Variants in PTPRM observed in about 807,000 individuals in gnomAD.
The protein encoded by PTPRM is receptor-type tyrosine-protein phosphatase mu.
In PTPRM, 47 loss-of-function variants were observed where a neutral mutation model predicts 186.7. The ratio of observed to expected loss-of-function variants is 0.25; its 90% CI spans 0.20 to 0.32. The LOEUF is 0.32. PTPRM is among the 10% of genes least tolerant of loss of function. The probability of loss-of-function intolerance (pLI) is 1.00; values close to 1 mark genes in which losing one functional copy is unlikely to be tolerated. For synonymous variants in PTPRM, 668 were observed against 674.9 expected (o/e 0.99, Z 0.16); for missense variants, 1,494 against 1,865.0 (o/e 0.80, Z 3.66).
intron 20 of PTPRM, among the ~76,000 whole-genome samples, chr18:8,310,630 T>C (rs1221867831): frequency 2.6e-5 from 4 of 151,936 alleles, no homozygotes; most frequent in South Asian, 2.1e-4. Flanking sequence ...CTCTTCAGAG[T>C]AGGTCAGGAC....
chr18:7,572,681 G>C (rs953483693), intron 1 of PTPRM, among the ~76,000 whole-genome samples: 1 of 152,110 alleles, frequency 6.6e-6, no homozygotes, highest in South Asian at 2.1e-4. Context: ...TAGGGGTTAT[G>C]TCCACCATGC....
chr18:8,265,630 T>G (rs556351795), intron 19 of PTPRM, among the ~76,000 whole-genome samples: 68 of 152,342 alleles, frequency 4.5e-4, no homozygotes, highest in African/African-American at 1.5e-3. Context: ...ATGCTTTGAT[T>G]AAATGATACA....
intron 14 of PTPRM, among the ~76,000 whole-genome samples, chr18:8,209,038 G>T (rs2093966960): frequency 6.6e-6 from 1 of 152,320 alleles, no homozygotes. Flanking sequence ...AGTGAAGTCA[G>T]ATAGGGCATA....
chr18:7,935,903 A>C (rs974115798), intron 5 of PTPRM, among the ~76,000 whole-genome samples: 1 of 152,232 alleles, frequency 6.6e-6, no homozygotes, highest in Non-Finnish European at 1.5e-5. Flanking sequence ...GGAGGGCAGA[A>C]GAGAAGGAAG....
intron 5 of PTPRM, among the ~76,000 whole-genome samples, chr18:7,932,544 C>T (rs2051552502): frequency 6.6e-6 from 1 of 151,998 alleles, no homozygotes; most frequent in Non-Finnish European, 1.5e-5. Context: ...CATGTTTATA[C>T]TTACGTATAA....
chr18:8,003,905 C>T (rs1452439481), intron 7 of PTPRM, among the ~76,000 whole-genome samples: 3 of 152,164 alleles, frequency 2.0e-5, no homozygotes. Flanking sequence ...ATTCGCTTTC[C>T]TTTTCTTGGC....
intron 19 of PTPRM, among the ~76,000 whole-genome samples, chr18:8,280,408 G>C (rs896454385): frequency 3.8e-5 from 2 of 52,418 alleles, no homozygotes; most frequent in African/African-American, 9.3e-5. Flanking sequence ...TGTGGTCGGG[G>C]GTGGGGGGGG....
intron 15 of PTPRM, among the ~76,000 whole-genome samples, chr18:8,246,052 A>G (rs563736147): frequency 3.7e-4 from 56 of 152,204 alleles, no homozygotes; most frequent in African/African-American, 1.2e-3. Flanking sequence ...TAGACTTTCC[A>G]TTTTCCTCCC....
At chr18:8,404,832 G>A (rs1363147269) in intron 32 of PTPRM, 2 of 152,278 alleles carry the variant, frequency 1.3e-5, no homozygotes, top group Non-Finnish European at 2.9e-5. Context: ...CTCAAGCCCT[G>A]CGTCCCTCTT....
chr18:8,029,783 C>A lies in PTPRM; in HGVS notation c.1133-39903C>A, dbSNP rs970861136. Among the ~76,000 whole-genome samples, 6 of 152,206 alleles carry A rather than the reference C, an allele frequency of 3.9e-5. No individual in the cohort carries two copies. The East Asian group carries it at 7.7e-4, about 20-fold the overall frequency. ...GTATAGTGCCTGGCACACAGTGAGC[C>A]TGCAGGAAATACTGGCTAAATTGAG... On this transcript the variant is annotated intron_variant, in intron 7 of 32. Coordinates refer to ENST00000580170, the MANE Select transcript of PTPRM (RefSeq NM_001105244.2).
intron 14 of PTPRM, among the ~76,000 whole-genome samples, chr18:8,166,866 T>C (rs2093331094): frequency 6.6e-6 from 1 of 152,234 alleles, no homozygotes; most frequent in African/African-American, 2.4e-5. Flanking sequence ...GCCATTATGA[T>C]ACTTTGGTTG....
At chr18:8,351,469 A>C (rs1397277041) in intron 23 of PTPRM, among the ~76,000 whole-genome samples, 1 of 152,194 alleles carries the variant, frequency 6.6e-6, no homozygotes, top group Non-Finnish European at 1.5e-5. Context: ...CCACTTCTGC[A>C]AACTCACCTT....
At chr18:7,766,750 T>G (rs544869469) in intron 1 of PTPRM, among the ~76,000 whole-genome samples, 76 of 152,328 alleles carry the variant, frequency 5.0e-4, no homozygotes, top group African/African-American at 1.8e-3. Flanking sequence ...CTGATAAAGC[T>G]TATACCTTCT....
At chr18:8,398,545 C>G (rs1362765818) in intron 32 of PTPRM, among the ~76,000 whole-genome samples, 2 of 152,094 alleles carry the variant, frequency 1.3e-5, no homozygotes, top group Non-Finnish European at 2.9e-5. Context: ...GTGGGCAGAT[C>G]ACCTGAGGTC....
intron 32 of PTPRM, among the ~76,000 whole-genome samples, chr18:8,402,397 G>A (rs1255382430): frequency 6.6e-6 from 1 of 152,222 alleles, no homozygotes; most frequent in Admixed American, 6.5e-5. Context: ...CTTCCAAGCA[G>A]CAGCTCCTTA....
chr18:8,162,161 G>A (rs954039547), intron 14 of PTPRM, among the ~76,000 whole-genome samples: 7 of 150,020 alleles, frequency 4.7e-5, no homozygotes, highest in African/African-American at 9.8e-5. Context: ...GTGCAATGGC[G>A]CCATCTCGGC....
intron 1 of PTPRM, among the ~76,000 whole-genome samples, chr18:7,763,203 CTT>C (rs1371591204): frequency 1.3e-5 from 2 of 152,196 alleles, no homozygotes; most frequent in African/African-American, 4.8e-5. Flanking sequence ...TTTGGACACA[CTT>C]TAATTAAAAT....
intron 1 of PTPRM, among the ~76,000 whole-genome samples, chr18:7,630,198 C>T (rs1007827232): frequency 6.6e-6 from 1 of 151,906 alleles, no homozygotes. Context: ...ATGAAATTGT[C>T]GAGGGAGCAG....
rs558710033 is a variant in PTPRM, at chr18:7,901,199, A to G, written c.469-5306A>G. Among the ~76,000 whole-genome samples, 3 of 152,310 alleles carry G rather than the reference A, an allele frequency of 2.0e-5. 1 individual carries two copies. Among genetic ancestry groups the G allele is most frequent in the Admixed American group, 2.0e-4 (3 of 15,298 alleles). On this transcript the variant is annotated intron_variant, in intron 3 of 32. Coordinates refer to ENST00000580170, the MANE Select transcript of PTPRM (RefSeq NM_001105244.2). ...GTTCCTTATTTGACAAAAAGAGAAA[A>G]AAGATTATTTTTGCTTTTGAAGCCT...
Sources: allele counts gnomAD v4.1 joint callset (sites outside exome capture counted in the v4.1 genomes callset), GRCh38; gene constraint gnomAD v4.1.1; transcripts MANE v1.5; gene names NCBI Gene and HGNC (gene_info 2026-07-23, HGNC 2026-07-21).